Variants in PACRG observed in about 807,000 individuals in gnomAD.
PACRG encodes the protein parkin coregulated gene protein.
PACRG carries 29 observed loss-of-function variants against 29.7 expected under a neutral mutation model. The ratio of observed to expected loss-of-function variants is 0.98; its 90% CI spans 0.73 to 1.33. PACRG has a LOEUF of 1.33. Among genes scored for constraint, PACRG ranks in the 40% most tolerant of loss-of-function variants. The pLI, the probability that PACRG is intolerant of heterozygous loss-of-function variation, is 0.00. For missense variants in PACRG, 279 were observed against 316.2 expected (o/e 0.88, Z 0.89); for synonymous variants, 116 against 118.7 (o/e 0.98, Z 0.15).
chr6:163,251,669 A>G (rs1320581134), intron 4 of PACRG, among the ~76,000 whole-genome samples: 5 of 152,078 alleles, frequency 3.3e-5, no homozygotes, highest in South Asian at 4.1e-4. Flanking sequence ...CGCTGCTCGG[A>G]CCTCCACAGG....
At chr6:163,307,592 G>A (rs116760720) in intron 4 of PACRG, among the ~76,000 whole-genome samples, 423 of 152,270 alleles carry the variant, frequency 2.8e-3, no homozygotes, top group African/African-American at 9.6e-3. Flanking sequence ...GGGAACCTTC[G>A]GTTTCCAAGA....
chr6:163,279,285 C>A (rs561922877), intron 4 of PACRG, among the ~76,000 whole-genome samples: 1 of 152,280 alleles, frequency 6.6e-6, no homozygotes, highest in South Asian at 2.1e-4. Context: ...CAGCAAACAG[C>A]AACAGTTTGA....
At chr6:163,042,855 A>G (rs1405282922) in intron 2 of PACRG, 1 of 152,200 alleles carries the variant, frequency 6.6e-6, no homozygotes, top group East Asian at 1.9e-4. Flanking sequence ...AATAAATTTT[A>G]CATCCTGTTA....
intron 3 of PACRG, among the ~76,000 whole-genome samples, chr6:163,083,529 A>G (rs1315500948): frequency 1.3e-5 from 2 of 152,184 alleles, no homozygotes; most frequent in African/African-American, 4.8e-5. Flanking sequence ...AGGCTGTGTC[A>G]GGGGCGTGTC....
At chr6:162,795,172 A>G (rs906753448) in intron 1 of PACRG, among the ~76,000 whole-genome samples, 2 of 151,716 alleles carry the variant, frequency 1.3e-5, no homozygotes, top group Admixed American at 6.6e-5. Context: ...GTTCAAGGGA[A>G]GCCAGTGTGG....
At chr6:163,277,419 G>C (rs552379363) in intron 4 of PACRG, among the ~76,000 whole-genome samples, 51 of 151,310 alleles carry the variant, frequency 3.4e-4, no homozygotes, top group South Asian at 1.0e-3. Flanking sequence ...CCAAGTTGCT[G>C]TGAATGTCGT....
At chr6:162,765,920 A>G (rs1359550483) in intron 1 of PACRG, among the ~76,000 whole-genome samples, 1 of 151,928 alleles carries the variant, frequency 6.6e-6, no homozygotes, top group Non-Finnish European at 1.5e-5. Flanking sequence ...TTTCTTTTTT[A>G]AGAAGTTTTA....
chr6:162,945,918 T>A (rs1798968308), intron 2 of PACRG, among the ~76,000 whole-genome samples: 2 of 152,004 alleles, frequency 1.3e-5, no homozygotes, highest in African/African-American at 4.8e-5. Context: ...GACCACTGGG[T>A]CATGGAAGAA....
At chr6:162,952,630 GA>G (rs1257476821) in intron 2 of PACRG, among the ~76,000 whole-genome samples, 1 of 152,164 alleles carries the variant, frequency 6.6e-6, no homozygotes, top group African/African-American at 2.4e-5. Context: ...TGGCTCAGGA[GA>G]GTCCCAGAAT....
rs536870042 is a variant in PACRG at position 162,811,894 on chromosome 6, G to A, written c.157-2253G>A. Among the ~76,000 whole-genome samples, 292 of 152,094 alleles carry A rather than the reference G, an allele frequency of 1.9e-3. 1 individual carries two copies. Among genetic ancestry groups the A allele is most frequent in the African/African-American group, 6.6e-3 (272 of 41,516 alleles). On this transcript the variant is annotated intron_variant, in intron 1 of 4. Transcript: ENST00000366888. ...ATTTCCTGTGAACAACCATGTCAGC[G>A]CTCAAAAAGTTTCAGATTTTGGAGC...
intron 4 of PACRG, among the ~76,000 whole-genome samples, chr6:163,257,511 T>A (rs1783160719): frequency 6.6e-6 from 1 of 152,256 alleles, no homozygotes; most frequent in African/African-American, 2.4e-5. Context: ...TTCCACTCAT[T>A]TAAATTGTTA....
chr6:163,089,481 G>A, intron 4 of PACRG, 73 bp downstream of exon 4: 1 of 1,534,680 alleles, frequency 6.5e-7, no homozygotes. Flanking sequence ...GAGTTAATTA[G>A]CAACACGTTT....
At chr6:163,136,773 T>A (rs1816952391) in intron 4 of PACRG, among the ~76,000 whole-genome samples, 1 of 152,246 alleles carries the variant, frequency 6.6e-6, no homozygotes, top group Non-Finnish European at 1.5e-5. Context: ...TATGCCAATC[T>A]ATACACTTGG....
intron 2 of PACRG, among the ~76,000 whole-genome samples, chr6:162,854,410 A>G (rs534567960): frequency 1.8e-4 from 28 of 152,284 alleles, no homozygotes; most frequent in Non-Finnish European, 2.8e-4. Context: ...AGTAGAATTG[A>G]AAGATGTTTT....
At chr6:162,809,217 G>T (rs1309496375) in intron 1 of PACRG, among the ~76,000 whole-genome samples, 1 of 152,030 alleles carries the variant, frequency 6.6e-6, no homozygotes, top group African/African-American at 2.4e-5. Context: ...AGCTAATTGA[G>T]AACATTCTTG....
chr6:162,918,353 A>T (rs1796839309), intron 2 of PACRG, among the ~76,000 whole-genome samples: 1 of 152,230 alleles, frequency 6.6e-6, no homozygotes, highest in Admixed American at 6.5e-5. Context: ...TGAATATCAA[A>T]CCAATTTATA....
At chr6:162,833,529 C>A (rs1788957496) in intron 2 of PACRG, among the ~76,000 whole-genome samples, 1 of 152,000 alleles carries the variant, frequency 6.6e-6, no homozygotes, top group Admixed American at 6.6e-5. Flanking sequence ...TATGTTGTTT[C>A]TTGACTTTTT....
chr6:163,281,556 C>A (rs1389762245), intron 4 of PACRG, among the ~76,000 whole-genome samples: 2 of 151,294 alleles, frequency 1.3e-5, no homozygotes, highest in East Asian at 3.9e-4. Flanking sequence ...TTTTTTTTTG[C>A]TATATGAAAT....
chr6:163,312,837 C>T (rs189154638), intron 4 of PACRG: 255 of 422,284 alleles, frequency 6.0e-4, no homozygotes, highest in Admixed American at 1.2e-3. Flanking sequence ...GTTGCAACCT[C>T]GACCACCTGG....
Sources: allele counts gnomAD v4.1 joint callset (sites outside exome capture counted in the v4.1 genomes callset), GRCh38; gene constraint gnomAD v4.1.1; transcripts MANE v1.5; gene names NCBI Gene and HGNC (gene_info 2026-07-23, HGNC 2026-07-21).